USP3: variants seen among roughly 807,000 people sequenced by gnomAD.
USP3 encodes ubiquitin carboxyl-terminal hydrolase 3.
A neutral mutation model predicts 72.3 loss-of-function variants in USP3; 20 were observed. The observed-to-expected ratio is 0.28, with a 90% CI of 0.19 to 0.40. USP3 has a LOEUF of 0.40. Ranked by LOEUF, USP3 falls within the 10% of genes least tolerant of loss-of-function variation. The probability of loss-of-function intolerance (pLI) is 1.00; values close to 1 mark genes in which losing one functional copy is unlikely to be tolerated. For missense variants in USP3, 479 were observed against 633.9 expected (o/e 0.76, Z 2.62); for synonymous variants, 222 against 225.3 (o/e 0.99, Z 0.13).
At position 63,570,530 on chromosome 15, in the gene USP3, G is replaced by C. The variant is rs765362437; in HGVS notation, c.859G>C (p.Ala287Pro). ...QGGFNGVSRS[A>P]ILQENSTLSA... ...CGGTTTCAACGGTGTTTCCCGCTCAGCAATTCTGCAGGAGAATTCTACTCT... is the reference window on the plus strand; with the variant it reads ...CGGTTTCAACGGTGTTTCCCGCTCACCAATTCTGCAGGAGAATTCTACTCT... The change falls in exon 9 of 15, where the codon GCA (alanine) becomes CCA (proline). Residue 287 changes from alanine to proline, a missense_variant. By Grantham distance (27) the Ala-to-Pro change is conservative. Transcript: ENST00000380324. This position sits in a 1 kb window ranked among gnomAD's most constrained non-coding sequence, Gnocchi z 4.4. The C allele has an allele frequency of 5.0e-6, 8 of 1,614,010 alleles. No individual in the cohort carries two copies. The highest frequency in any genetic ancestry group is 1.3e-5 in the African/African-American group (1 of 74,920).
intron 1 of USP3, among the ~76,000 whole-genome samples, chr15:63,517,789 C>T (rs1017361149): frequency 6.6e-6 from 1 of 152,164 alleles, no homozygotes; most frequent in African/African-American, 2.4e-5. Context: ...TGCTGTGTCC[C>T]TATACCTAGA....
At chr15:63,555,968 C>T (rs1290494537) in intron 4 of USP3, among the ~76,000 whole-genome samples, 1 of 152,100 alleles carries the variant, frequency 6.6e-6, no homozygotes, top group Non-Finnish European at 1.5e-5. Context: ...TTTTTACTTC[C>T]TTTAGATTAA....
At chr15:63,549,475 A>G (rs1042929500) in intron 3 of USP3, among the ~76,000 whole-genome samples, 2 of 152,210 alleles carry the variant, frequency 1.3e-5, no homozygotes, top group African/African-American at 4.8e-5. Flanking sequence ...CGTCAAATTC[A>G]GAGGGGCATC....
At chr15:63,579,372 G>A (rs1039036351) in intron 11 of USP3, among the ~76,000 whole-genome samples, 3 of 152,198 alleles carry the variant, frequency 2.0e-5, no homozygotes, top group Admixed American at 6.5e-5. Flanking sequence ...AGTGGGATAG[G>A]AAATGTCCTA....
At chr15:63,585,278 T>C (rs1218801404) in intron 11 of USP3, among the ~76,000 whole-genome samples, 1 of 152,200 alleles carries the variant, frequency 6.6e-6, no homozygotes, top group Non-Finnish European at 1.5e-5. Context: ...TATTGGGATT[T>C]TGAGAAGAAT....
At chr15:63,515,956 T>C (rs1053776618) in intron 1 of USP3, among the ~76,000 whole-genome samples, 1 of 152,226 alleles carries the variant, frequency 6.6e-6, no homozygotes, top group African/African-American at 2.4e-5. Flanking sequence ...TTTCTTAATT[T>C]GTCATTTTTA....
chr15:63,538,870 A>G (rs945990823), intron 3 of USP3, among the ~76,000 whole-genome samples: 8 of 152,226 alleles, frequency 5.3e-5, no homozygotes, highest in Middle Eastern at 3.4e-3. Context: ...TAGACATCTT[A>G]AGGGTTATTC....
At chr15:63,567,536 C>T (rs577714933) in intron 8 of USP3, among the ~76,000 whole-genome samples, 4 of 151,950 alleles carry the variant, frequency 2.6e-5, no homozygotes, top group East Asian at 2.0e-4. Flanking sequence ...TTAGTGGAGA[C>T]GGGGTTTCAC....
At position 63,562,967 on chromosome 15, in the gene USP3, G is replaced by A. The variant is rs1449937271; in HGVS notation, c.720G>A (p.Glu240=). ...GCAGCCAGACTGCATTTAGCCCAGA[G>A]TCCTTATTTTATGTTGTTTGGAAGA... ...WQGSQTAFSP[E]SLFYVVWKIM... Residue 240 remains glutamate, a synonymous_variant, in exon 8 of 15, where the codon GAG becomes GAA. Coordinates refer to ENST00000380324, the MANE Select transcript of USP3 (RefSeq NM_006537.4). 6.2e-7 allele frequency: 1 copy of A among 1,612,648 alleles called. No homozygotes were observed. Among genetic ancestry groups the A allele is most frequent in the East Asian group, 2.2e-5 (1 of 44,858 alleles).
intron 1 of USP3, among the ~76,000 whole-genome samples, chr15:63,522,878 AT>A (rs2065937371): frequency 6.6e-6 from 1 of 152,194 alleles, no homozygotes; most frequent in Non-Finnish European, 1.5e-5. Flanking sequence ...GGTTGATGAG[AT>A]TAGTGAACCA....
chr15:63,574,396 G>A lies in USP3; in HGVS notation c.1089G>A (p.Ser363=), dbSNP rs1329043104. 5.6e-6 allele frequency: 9 copies of A among 1,601,304 alleles called. No individual in the cohort carries two copies. Among genetic ancestry groups the A allele is most frequent in the Middle Eastern group, 1.7e-4 (1 of 6,008 alleles). ...ATCAAGAAAATGGACCAGTTTGTTC[G>A]TTACGAGGTAAAGATACTTGAATGT... ...SKNQENGPVC[S]LRDCLRSFTD... is the part of the protein sequence containing the mutation. The change falls in exon 11 of 15, where the codon TCG becomes TCA. Residue 363 remains serine (S), a synonymous_variant. Transcript: ENST00000380324. The surrounding 1 kb of genome is among the most constrained non-coding windows in gnomAD (Gnocchi z 4.6).
intron 1 of USP3, among the ~76,000 whole-genome samples, chr15:63,511,604 A>C (rs1267916273): frequency 6.6e-6 from 1 of 152,168 alleles, no homozygotes; most frequent in Non-Finnish European, 1.5e-5. Flanking sequence ...GTTCAGACAT[A>C]ATAAACCAGC....
At chr15:63,583,236 G>A (rs2066995549) in intron 11 of USP3, among the ~76,000 whole-genome samples, 1 of 152,156 alleles carries the variant, frequency 6.6e-6, no homozygotes, top group South Asian at 2.1e-4. Flanking sequence ...GGGATGGAGA[G>A]GCTGGAGTGA....
rs1180675814 is a variant in USP3 at position 63,547,761 on chromosome 15, GGA to G, written c.285-5916_285-5915del. 7.2e-3 allele frequency among the ~76,000 whole-genome samples: 32 copies of G among 4,462 alleles called. 1 individual carries two copies. The highest frequency in any genetic ancestry group is 0.026 in the East Asian group (7 of 270). 2.9% of individuals were successfully genotyped at this position (4,462 alleles called of 152,430 possible). ...GAGAGAGAGGGAGGGAGGGAGGGAGGGAGAGAGAGAGAGAGAGAGAGAGAGAG... is the reference window on the plus strand; with the variant it reads ...GAGAGAGAGGGAGGGAGGGAGGGAGGGAGAGAGAGAGAGAGAGAGAGAGAG... On this transcript the variant is annotated intron_variant, in intron 3 of 14. Coordinates refer to ENST00000380324, the MANE Select transcript of USP3 (RefSeq NM_006537.4).
Position 63,590,970 on chromosome 15 carries a change from G to A in USP3, c.*144G>A. The A allele has an allele frequency of 1.0e-6, 1 of 1,001,458 alleles. No individual in the cohort carries two copies. The highest frequency in any genetic ancestry group is 1.3e-6 in the Non-Finnish European group (1 of 741,944). 62.0% of individuals were successfully genotyped at this position (1,001,458 alleles called of 1,614,324 possible). A position where few individuals can be genotyped will look rare whatever the true frequency, so the allele number is the denominator to read the frequency against. The stretch of plus-strand genomic sequence containing the variant: ...GTTTTGTCAATGGTAGTGACTTACT[G>A]AACATGGGCACCAACTAATTTTGTT... On this transcript the variant is annotated 3_prime_UTR_variant, in exon 15 of 15. Coordinates refer to ENST00000380324, the MANE Select transcript of USP3 (RefSeq NM_006537.4).
At chr15:63,557,344 C>T (rs564111794) in intron 5 of USP3, among the ~76,000 whole-genome samples, 1 of 151,934 alleles carries the variant, frequency 6.6e-6, no homozygotes, top group Non-Finnish European at 1.5e-5. Flanking sequence ...CCCATTGCAA[C>T]CTCAGCCTCC....
chr15:63,584,092 GTTTTT>G (rs61574200), intron 11 of USP3, among the ~76,000 whole-genome samples: 2 of 85,598 alleles, frequency 2.3e-5, no homozygotes, highest in African/African-American at 9.1e-5. Flanking sequence ...CAACGGTTTT[GTTTTT>G]TTTTTTTTTT....
chr15:63,564,446 A>G (rs917462814), intron 8 of USP3, among the ~76,000 whole-genome samples: 1 of 152,174 alleles, frequency 6.6e-6, no homozygotes, highest in Admixed American at 6.5e-5. Context: ...AAGGCCCGTT[A>G]ACTAATTTGA....
chr15:63,520,744 A>T (rs1049977747), intron 1 of USP3, among the ~76,000 whole-genome samples: 3 of 151,490 alleles, frequency 2.0e-5, no homozygotes, highest in African/African-American at 7.3e-5. Context: ...TTGTATTTTT[A>T]GTAGAGACAG....
Sources: allele counts gnomAD v4.1 joint callset (sites outside exome capture counted in the v4.1 genomes callset), GRCh38; gene constraint gnomAD v4.1.1; non-coding constraint Gnocchi (gnomAD v3.1); transcripts MANE v1.5; gene names NCBI Gene and HGNC (gene_info 2026-07-23, HGNC 2026-07-21).